GRID2: variants seen among roughly 807,000 people sequenced by gnomAD.
GRID2 encodes the protein glutamate ionotropic receptor delta type subunit 2.
A neutral mutation model predicts 114.8 loss-of-function variants in GRID2; 33 were observed. The ratio of observed to expected loss-of-function variants is 0.29; its 90% CI spans 0.22 to 0.38. The LOEUF is 0.38. Among genes scored for constraint, GRID2 ranks in the 10% least tolerant of loss-of-function variants. GRID2 has a pLI of 1.00. For missense variants in GRID2, 1,184 were observed against 1,257.7 expected (o/e 0.94, Z 0.89); for synonymous variants, 505 against 449.9 (o/e 1.12, Z -1.55).
intron 13 of GRID2, among the ~76,000 whole-genome samples, chr4:93,543,958 G>A (rs1171119750): frequency 1.3e-5 from 2 of 152,052 alleles, no homozygotes; most frequent in Non-Finnish European, 1.5e-5. Flanking sequence ...TATATTATTC[G>A]GCAATTATTA....
chr4:93,737,688 C>T (rs1244155481), intron 14 of GRID2, among the ~76,000 whole-genome samples: 1 of 152,066 alleles, frequency 6.6e-6, no homozygotes, highest in Non-Finnish European at 1.5e-5. Flanking sequence ...CCCACATTGA[C>T]CCTCATATCG....
At chr4:93,614,104 C>T (rs1325459031) in intron 13 of GRID2, among the ~76,000 whole-genome samples, 1 of 152,168 alleles carries the variant, frequency 6.6e-6, no homozygotes, top group African/African-American at 2.4e-5. Flanking sequence ...CTTTCTTTGA[C>T]TGGGAAAGGG....
chr4:93,004,367 C>T (rs1002902712), intron 2 of GRID2, among the ~76,000 whole-genome samples: 3 of 151,916 alleles, frequency 2.0e-5, no homozygotes, highest in Non-Finnish European at 4.4e-5. Context: ...AGTCCTGCCT[C>T]CTTTTCCCAT....
At chr4:93,196,593 A>G (rs1741517733) in intron 4 of GRID2, among the ~76,000 whole-genome samples, 1 of 152,146 alleles carries the variant, frequency 6.6e-6, no homozygotes, top group Non-Finnish European at 1.5e-5. Flanking sequence ...ATTAGCCTCC[A>G]TAGTAGCTTC....
intron 14 of GRID2, among the ~76,000 whole-genome samples, chr4:93,738,668 A>G (rs1284007699): frequency 6.6e-6 from 1 of 152,156 alleles, no homozygotes; most frequent in Non-Finnish European, 1.5e-5. Context: ...AAACTTGCAG[A>G]TGTGCACACT....
chr4:93,725,301 A>C (rs368848132), intron 14 of GRID2, among the ~76,000 whole-genome samples: 9 of 152,212 alleles, frequency 5.9e-5, no homozygotes, highest in East Asian at 5.8e-4. Flanking sequence ...TGTCCCTTCA[A>C]AGAACATGAA....
downstream of GRID2, among the ~76,000 whole-genome samples, chr4:93,777,297 T>C (rs1187834915): frequency 1.3e-5 from 2 of 152,246 alleles, no homozygotes; most frequent in African/African-American, 4.8e-5. Flanking sequence ...CAAATTCCTA[T>C]GTCGTCAATA....
chr4:92,446,049 G>A (rs369861615), intron 1 of GRID2, among the ~76,000 whole-genome samples: 34 of 152,238 alleles, frequency 2.2e-4, no homozygotes, highest in African/African-American at 7.9e-4. Flanking sequence ...GGGTTCAAGC[G>A]ATTCTCATGC....
chr4:93,694,187 G>A (rs188638718), intron 14 of GRID2, among the ~76,000 whole-genome samples: 4 of 152,186 alleles, frequency 2.6e-5, no homozygotes, highest in Non-Finnish European at 5.9e-5. Context: ...ATTGTCCTCC[G>A]TCTCAATTGC....
At chr4:93,496,980 AT>A (rs1352731835) in intron 12 of GRID2, among the ~76,000 whole-genome samples, 1 of 150,784 alleles carries the variant, frequency 6.6e-6, no homozygotes, top group East Asian at 2.0e-4. Flanking sequence ...TGGCTGTACC[AT>A]TTTGTGTTTC....
intron 7 of GRID2, among the ~76,000 whole-genome samples, chr4:93,226,616 G>C (rs908410179): frequency 2.0e-5 from 3 of 152,178 alleles, no homozygotes; most frequent in Non-Finnish European, 4.4e-5. Flanking sequence ...AGAGTCACAT[G>C]CTGTTTTAGT....
chr4:92,342,931 C>G (rs372877177), intron 1 of GRID2, among the ~76,000 whole-genome samples: 2 of 151,766 alleles, frequency 1.3e-5, no homozygotes, highest in Admixed American at 1.3e-4. Flanking sequence ...GTGTACACCA[C>G]GAATGAATGG....
chr4:93,032,873 T>C (rs1276188416), intron 2 of GRID2, among the ~76,000 whole-genome samples: 2 of 152,194 alleles, frequency 1.3e-5, no homozygotes, highest in Non-Finnish European at 2.9e-5. Context: ...AGCTACACTC[T>C]ATGAAAGAAC....
chr4:93,250,654 A>G (rs201078969), intron 8 of GRID2, among the ~76,000 whole-genome samples: 2 of 128,770 alleles, frequency 1.6e-5, no homozygotes, highest in African/African-American at 6.2e-5. Flanking sequence ...ATATATATAT[A>G]TTTTATATAT....
intron 8 of GRID2, among the ~76,000 whole-genome samples, chr4:93,274,048 TTTTTC>T (rs1554022600): frequency 1.2e-4 from 2 of 16,010 alleles, no homozygotes; most frequent in African/African-American, 1.2e-3. Flanking sequence ...GAAAAAATAC[TTTTTC>T]TTTTTTTGTT....
chr4:93,517,629 A>G (rs1432656940), intron 13 of GRID2, among the ~76,000 whole-genome samples: 1 of 151,998 alleles, frequency 6.6e-6, no homozygotes, highest in East Asian at 1.9e-4. Context: ...AGCTTCTATT[A>G]AAAAAACAAC....
intron 8 of GRID2, among the ~76,000 whole-genome samples, chr4:93,360,593 T>C (rs1761798323): frequency 1.3e-5 from 2 of 151,918 alleles, no homozygotes; most frequent in African/African-American, 4.8e-5. Flanking sequence ...TATTGCATTG[T>C]GGTCAGATAA....
chr4:92,534,118 C>G (rs1003558732), intron 1 of GRID2, among the ~76,000 whole-genome samples: 1 of 151,994 alleles, frequency 6.6e-6, no homozygotes, highest in African/African-American at 2.4e-5. Flanking sequence ...CATAAATTCA[C>G]AGTCTAACAA....
intron 2 of GRID2, among the ~76,000 whole-genome samples, chr4:92,961,080 AAAT>A (rs2149154204): frequency 1.3e-5 from 2 of 152,004 alleles, no homozygotes; most frequent in African/African-American, 4.8e-5. Context: ...ACTTCTTAAA[AAAT>A]AATAATTACC....
Sources: gnomAD v4.1 joint callset for allele counts (sites outside exome capture counted in the v4.1 genomes callset) on GRCh38, gnomAD v4.1.1 for gene constraint, MANE v1.5 for transcripts, NCBI Gene and HGNC (gene_info 2026-07-23, HGNC 2026-07-21) for gene names.